Variants in MEF2C observed in about 807,000 individuals in gnomAD.
MEF2C encodes the protein myocyte-specific enhancer factor 2C.
A neutral mutation model predicts 50.5 loss-of-function variants in MEF2C; 6 were observed. The ratio of observed to expected loss-of-function variants is 0.12; its 90% confidence interval spans 0.07 to 0.23. MEF2C has a LOEUF of 0.23. Ranked by LOEUF, MEF2C falls within the 10% of genes least tolerant of loss-of-function variation. The pLI is 1.00. For synonymous variants in MEF2C, 183 were observed against 228.0 expected (o/e 0.80, Z 1.78); for missense variants, 276 against 605.0 (o/e 0.46, Z 5.70).
chr5:88,800,971 G>T (rs916609865), intron 3 of MEF2C, among the ~76,000 whole-genome samples: 2 of 152,112 alleles, frequency 1.3e-5, no homozygotes, highest in Non-Finnish European at 2.9e-5. Flanking sequence ...TTGTGCCATT[G>T]TTGGAGTAGT....
chr5:88,746,720 T>C (rs559652278), intron 6 of MEF2C: 1 of 984,234 alleles, frequency 1.0e-6, no homozygotes, highest in South Asian at 4.7e-5. Flanking sequence ...CAGCCTGACA[T>C]ATGATACTGG....
intron 3 of MEF2C, 31 bp from the exon 4 acceptor site, chr5:88,761,359 T>C (rs369812478): frequency 6.3e-6 from 10 of 1,599,072 alleles, no homozygotes; most frequent in Non-Finnish European, 8.5e-6. Context: ...AGTTCAAACC[T>C]AGACAAAGGC....
Position 88,741,185 on chromosome 5 carries a change from C to T in MEF2C, c.637+7885G>A, listed in dbSNP as rs999595352. The T allele has an allele frequency of 7.6e-5, 75 of 985,270 alleles. No individual in the cohort carries two copies. The African/African-American group carries it at 1.2e-3, about 16-fold the overall frequency. The allele number at this position is 985,270 out of a possible 1,614,324, so 61.0% of individuals were successfully genotyped here. A position where few individuals can be genotyped will look rare whatever the true frequency, so the allele number is the denominator to read the frequency against. On this transcript the variant is annotated intron_variant, in intron 6 of 10. Transcript: ENST00000504921. ...GCCTACTGGTGTGCTCCCTTCACCACACATTTCATAAATACTACTGGAACT... is the reference window on the plus strand; with the variant it reads ...GCCTACTGGTGTGCTCCCTTCACCATACATTTCATAAATACTACTGGAACT...
chr5:88,740,720 A>G (rs1766279702), intron 6 of MEF2C: 1 of 984,620 alleles, frequency 1.0e-6, no homozygotes, highest in African/African-American at 1.8e-5. Context: ...TTGGGTACTG[A>G]TTTACTGAAG....
intron 2 of MEF2C, among the ~76,000 whole-genome samples, chr5:88,807,666 G>T (rs935107449): frequency 1.3e-5 from 2 of 152,142 alleles, no homozygotes; most frequent in African/African-American, 4.8e-5. Flanking sequence ...CTTAGAGTAG[G>T]TGCTCAATAA....
chr5:88,806,086 T>C (rs1308422501), intron 2 of MEF2C, among the ~76,000 whole-genome samples: 1 of 152,084 alleles, frequency 6.6e-6, no homozygotes, highest in African/African-American at 2.4e-5. Flanking sequence ...TGACATATCG[T>C]TTGTTTCTTT....
At chr5:88,775,399 A>G (rs1212507949) in intron 3 of MEF2C, among the ~76,000 whole-genome samples, 1 of 152,146 alleles carries the variant, frequency 6.6e-6, no homozygotes, top group Non-Finnish European at 1.5e-5. Flanking sequence ...ACAATCTGAA[A>G]ATTCCTAACA....
At chr5:88,803,687 G>A (rs1001396481) in intron 3 of MEF2C, among the ~76,000 whole-genome samples, 1 of 152,094 alleles carries the variant, frequency 6.6e-6, no homozygotes, top group African/African-American at 2.4e-5. Context: ...TGCTCATGAA[G>A]GGTACTACAA....
intron 1 of MEF2C, among the ~76,000 whole-genome samples, chr5:88,830,950 C>A (rs1812774557): frequency 6.6e-6 from 1 of 152,058 alleles, no homozygotes. Flanking sequence ...ACAACATCAA[C>A]CTCAGTCAAA....
chr5:88,864,537 C>A (rs56947091), intron 1 of MEF2C, among the ~76,000 whole-genome samples: 2 of 150,344 alleles, frequency 1.3e-5, no homozygotes, highest in Admixed American at 6.6e-5. Flanking sequence ...TTTATAAATA[C>A]ACATAAATAT....
intron 1 of MEF2C, among the ~76,000 whole-genome samples, chr5:88,862,683 C>T (rs1427690105): frequency 6.6e-6 from 1 of 152,082 alleles, no homozygotes; most frequent in African/African-American, 2.4e-5. Context: ...ATAACTTGTC[C>T]CATATCCCTT....
At chr5:88,799,650 G>C (rs1797456165) in intron 3 of MEF2C, among the ~76,000 whole-genome samples, 1 of 152,006 alleles carries the variant, frequency 6.6e-6, no homozygotes, top group Non-Finnish European at 1.5e-5. Flanking sequence ...CTATTTTAAG[G>C]CTTTTCCCAT....
chr5:88,739,315 T>G (rs1200295080), intron 6 of MEF2C: 1 of 984,456 alleles, frequency 1.0e-6, no homozygotes. Flanking sequence ...CTGCTTTTAC[T>G]TCAACAAAAT....
chr5:88,884,685 T>C (rs966343453), upstream of MEF2C: 10 of 147,860 alleles, frequency 6.8e-5, 1 homozygote, highest in Admixed American at 6.9e-5. Context: ...CCCTAGCCGA[T>C]AGCTGATGAC....
chr5:88,782,464 CA>C (rs5869442), intron 3 of MEF2C, among the ~76,000 whole-genome samples: 110,144 of 141,956 alleles, frequency 0.78, 42,420 homozygotes, highest in East Asian at 0.9. Flanking sequence ...GAAATCATCT[CA>C]AAAAAAAAAA....
chr5:88,808,550 A>G (rs1801475988), intron 2 of MEF2C, among the ~76,000 whole-genome samples: 1 of 152,178 alleles, frequency 6.6e-6, no homozygotes, highest in Non-Finnish European at 1.5e-5. Context: ...GTCAGTGCAT[A>G]TAGCTTCTTC....
intron 1 of MEF2C, among the ~76,000 whole-genome samples, chr5:88,867,186 TAAA>T (rs1273447738): frequency 3.9e-5 from 6 of 152,332 alleles, no homozygotes; most frequent in Middle Eastern, 3.4e-3. Flanking sequence ...CACTTCTTTT[TAAA>T]AACAATACAA....
At chr5:88,883,477 A>T (rs1209842068), upstream of MEF2C, 1 of 142,130 alleles carries the variant, frequency 7.0e-6, no homozygotes, top group Non-Finnish European at 1.5e-5. Flanking sequence ...ACAGCGTTTG[A>T]AACATCGCGT....
At chr5:88,878,790 G>T (rs1831911709) in intron 1 of MEF2C, among the ~76,000 whole-genome samples, 1 of 151,946 alleles carries the variant, frequency 6.6e-6, no homozygotes. Flanking sequence ...GTGTGTAAAT[G>T]AAATGGATAG....
Sources: gnomAD v4.1 joint callset for allele counts (sites outside exome capture counted in the v4.1 genomes callset) on GRCh38, gnomAD v4.1.1 for gene constraint, MANE v1.5 for transcripts, NCBI Gene and HGNC (gene_info 2026-07-23, HGNC 2026-07-21) for gene names.